Variants in MAP2K5 observed in about 807,000 individuals in gnomAD.
MAP2K5 encodes the protein mitogen-activated protein kinase kinase 5.
In MAP2K5, 49 loss-of-function variants were observed where a neutral mutation model predicts 83.1. That is an observed-to-expected ratio of 0.59 (90% CI 0.47 to 0.75). The LOEUF (loss-of-function observed/expected upper bound fraction) is 0.75, where lower values mean the gene tolerates loss of function less well. Ranked by LOEUF, MAP2K5 falls within the 30% of genes least tolerant of loss-of-function variation. The pLI is 0.00. For synonymous variants in MAP2K5, 202 were observed against 191.8 expected (o/e 1.05, Z -0.44); for missense variants, 457 against 557.5 (o/e 0.82, Z 1.82).
chr15:67,661,703 T>C (rs1596744438), intron 12 of MAP2K5, among the ~76,000 whole-genome samples: 1 of 152,322 alleles, frequency 6.6e-6, no homozygotes, highest in East Asian at 1.9e-4. Flanking sequence ...TTGGATTGCC[T>C]TCCCCTACAT....
chr15:67,649,472 T>G (rs2141124675), intron 11 of MAP2K5, among the ~76,000 whole-genome samples: 1 of 152,244 alleles, frequency 6.6e-6, no homozygotes, highest in East Asian at 1.9e-4. Context: ...GCTTTTATAT[T>G]TAAGCCTTTG....
chr15:67,677,098 G>A lies in MAP2K5; in HGVS notation c.847+12453G>A, dbSNP rs1945376913. Among the ~76,000 whole-genome samples, 1 of 151,522 alleles carries A rather than the reference G, an allele frequency of 6.6e-6. No homozygotes were observed. Among genetic ancestry groups the A allele is most frequent in the African/African-American group, 2.4e-5 (1 of 41,354 alleles). On this transcript the variant is annotated intron_variant, in intron 13 of 21. Coordinates refer to ENST00000178640, the MANE Select transcript of MAP2K5 (RefSeq NM_145160.3). This position sits in a 1 kb window ranked among gnomAD's most constrained non-coding sequence, Gnocchi z 4.2. The stretch of plus-strand genomic sequence containing the variant: ...CTTTTCTTAGAAAATTAGCCTGTGA[G>A]TATAAAGAACTTAAAACATCTGGGC...
At chr15:67,643,383 C>T (rs2086758238) in intron 9 of MAP2K5, among the ~76,000 whole-genome samples, 1 of 152,142 alleles carries the variant, frequency 6.6e-6, no homozygotes, top group African/African-American at 2.4e-5. Flanking sequence ...TTAAATGTTT[C>T]TTGGCAGTTT....
rs1261240376 is a variant in MAP2K5 at position 67,644,094 on chromosome 15, T to C, written c.586-2137T>C. On this transcript the variant is annotated intron_variant, in intron 9 of 21. Coordinates refer to ENST00000178640, the MANE Select transcript of MAP2K5 (RefSeq NM_145160.3). The surrounding 1 kb of genome is among the most constrained non-coding windows in gnomAD (Gnocchi z 4.6). ...CACCTATTCTATTCTCATCACTGCC[T>C]TTTAAAAGTAAAAAACAAGCTGGGC... Among the ~76,000 whole-genome samples the C allele has an allele frequency of 6.6e-6, 1 of 152,198 alleles. No individual in the cohort carries two copies. Among genetic ancestry groups the C allele is most frequent in the African/African-American group, 2.4e-5 (1 of 41,448 alleles).
intron 21 of MAP2K5, among the ~76,000 whole-genome samples, chr15:67,805,901 G>A (rs1204924946): frequency 6.6e-6 from 1 of 152,206 alleles, no homozygotes; most frequent in Non-Finnish European, 1.5e-5. Context: ...TTCCCAGGAG[G>A]CCCTAAGATT....
At chr15:67,594,666 T>C (rs1028699619) in intron 7 of MAP2K5, among the ~76,000 whole-genome samples, 2 of 152,226 alleles carry the variant, frequency 1.3e-5, no homozygotes, top group African/African-American at 2.4e-5. Context: ...CTCTATATGG[T>C]GGGAGGTTGT....
chr15:67,620,666 A>G (rs2086161018), intron 8 of MAP2K5, among the ~76,000 whole-genome samples: 1 of 152,228 alleles, frequency 6.6e-6, no homozygotes, highest in African/African-American at 2.4e-5. Context: ...AATGAAGTTA[A>G]AAAGACTGGA....
At chr15:67,631,036 T>G in intron 9 of MAP2K5, 109 bp downstream of exon 9, 5 of 818,732 alleles carry the variant, frequency 6.1e-6, no homozygotes, top group Non-Finnish European at 9.8e-6. Context: ...GCTTAAGGTT[T>G]AGATGGTAGG....
intron 8 of MAP2K5, among the ~76,000 whole-genome samples, chr15:67,616,013 G>A (rs1215481643): frequency 1.3e-5 from 2 of 152,136 alleles, no homozygotes. Context: ...TCTCCTAATA[G>A]TTTAACCCCC....
chr15:67,580,974 G>A, intron 4 of MAP2K5, 151 bp downstream of exon 4: 1 of 596,282 alleles, frequency 1.7e-6, no homozygotes, highest in Non-Finnish European at 3.0e-6. Flanking sequence ...GGGATTGCAG[G>A]CTATATTATA....
chr15:67,595,976 C>G (rs191010401), intron 7 of MAP2K5, among the ~76,000 whole-genome samples: 1 of 144,948 alleles, frequency 6.9e-6, no homozygotes, highest in Non-Finnish European at 1.5e-5. Context: ...GTTATTTTTT[C>G]TTTTTTTTTT....
chr15:67,679,571 C>A (rs1197834326), intron 13 of MAP2K5: 5 of 152,040 alleles, frequency 3.3e-5, no homozygotes, highest in Non-Finnish European at 7.4e-5. Flanking sequence ...AAATTAATAT[C>A]TTTCTTTAAA....
chr15:67,673,205 T>G (rs2087590734), intron 13 of MAP2K5, among the ~76,000 whole-genome samples: 1 of 152,128 alleles, frequency 6.6e-6, no homozygotes, highest in African/African-American at 2.4e-5. Flanking sequence ...AACACTTTTT[T>G]TTTTAATCTT....
rs749196875 is a variant in MAP2K5, at chr15:67,600,672, C to G, written c.481-13C>G. On this transcript the variant is annotated splice_polypyrimidine_tract_variant and intron_variant, in intron 7 of 21. Transcript: ENST00000178640. ...CATGACACCCTTTTTGTTTTTCTTT[C>G]TTTCTTGTGGAGATGAATGAACAAG... 6.2e-7 allele frequency: 1 copy of G among 1,601,534 alleles called. No homozygotes were observed.
intron 15 of MAP2K5, among the ~76,000 whole-genome samples, chr15:67,697,181 T>G (rs1029890693): frequency 2.0e-5 from 3 of 152,166 alleles, no homozygotes; most frequent in Admixed American, 2.0e-4. Flanking sequence ...AGAAGTCATT[T>G]GATACCCTCA....
rs961433183 is a variant in MAP2K5 at position 67,573,067 on chromosome 15, T to G, written c.253-7687T>G. On this transcript the variant is annotated intron_variant, in intron 3 of 21. Coordinates refer to ENST00000178640, the MANE Select transcript of MAP2K5 (RefSeq NM_145160.3). The surrounding 1 kb of genome is among the most constrained non-coding windows in gnomAD (Gnocchi z 4.2). The stretch of plus-strand genomic sequence containing the variant: ...AGATATTAGGGTATCAGGACATTCC[T>G]GAACCTGGGTATGTTTAGTAAACGT... Among the ~76,000 whole-genome samples the G allele has an allele frequency of 1.3e-5, 2 of 152,172 alleles. No individual in the cohort carries two copies. The highest frequency in any genetic ancestry group is 2.9e-5 in the Non-Finnish European group (2 of 68,030).
intron 3 of MAP2K5, among the ~76,000 whole-genome samples, chr15:67,580,011 A>C (rs1257027599): frequency 1.3e-5 from 2 of 152,198 alleles, no homozygotes; most frequent in African/African-American, 2.4e-5. Context: ...AGAGCACAGA[A>C]GCCATCTCCA....
At chr15:67,672,447 C>T (rs1324031340) in intron 13 of MAP2K5, among the ~76,000 whole-genome samples, 3 of 151,940 alleles carry the variant, frequency 2.0e-5, no homozygotes, top group African/African-American at 7.2e-5. Flanking sequence ...TTTTTGGCTG[C>T]ATAAATGTCT....
At chr15:67,553,340 C>T (rs1468257357) in intron 2 of MAP2K5, among the ~76,000 whole-genome samples, 1 of 152,234 alleles carries the variant, frequency 6.6e-6, no homozygotes, top group East Asian at 1.9e-4. Flanking sequence ...ACCTCTACTA[C>T]TCCAGGTTTA....
Sources: gnomAD v4.1 joint callset for allele counts (sites outside exome capture counted in the v4.1 genomes callset) on GRCh38, gnomAD v4.1.1 for gene constraint, Gnocchi (gnomAD v3.1) non-coding constraint, MANE v1.5 for transcripts, NCBI Gene and HGNC (gene_info 2026-07-23, HGNC 2026-07-21) for gene names.